The following LRRC75A variants were observed in gnomAD, a reference collection of about 807,000 sequenced individuals.
LRRC75A encodes leucine-rich repeat-containing protein 75A.
In LRRC75A, 12 loss-of-function variants were observed where a neutral mutation model predicts 26.0. The ratio of observed to expected loss-of-function variants is 0.46; its 90% CI spans 0.30 to 0.75. The LOEUF (loss-of-function observed/expected upper bound fraction) is 0.75, where lower values mean the gene tolerates loss of function less well. Among genes scored for constraint, LRRC75A ranks in the 30% least tolerant of loss-of-function variants. LRRC75A has a pLI of 0.08. For missense variants in LRRC75A, 410 were observed against 486.6 expected (o/e 0.84, Z 1.48); for synonymous variants, 223 against 219.3 (o/e 1.02, Z -0.15).
At chr17:16,475,990 A>G (rs1048596200) in intron 1 of LRRC75A, among the ~76,000 whole-genome samples, 1 of 152,104 alleles carries the variant, frequency 6.6e-6, no homozygotes, top group Non-Finnish European at 1.5e-5. Context: ...CAGGAGATCT[A>G]GACCATCCTG....
In LRRC75A at chr17:16,491,832, C is replaced by A; in HGVS notation, c.159G>T (p.Arg53=). 1 of 1,407,824 alleles carries A rather than the reference C, an allele frequency of 7.1e-7. No individual in the cohort carries two copies. The highest frequency in any genetic ancestry group is 1.4e-5 in the South Asian group (1 of 69,566). The allele number at this position is 1,407,824 out of a possible 1,614,324, so 87.2% of individuals were successfully genotyped here. ...GCAGCTCCTGGACCATGCCGACTCG[C>A]CGGTGGTAGGGGGGCATCCCCGCGC... is the stretch of plus-strand genomic sequence containing the variant. ...RAGAGMPPYH[R]RVGMVQELLR... Residue 53 remains arginine, a synonymous_variant, in exon 1 of 4, where the codon CGG becomes CGT. Coordinates refer to ENST00000470794, the MANE Select transcript of LRRC75A (RefSeq NM_001113567.3). The surrounding 1 kb of genome is among the most constrained non-coding windows in gnomAD (Gnocchi z 5.9).
Position 16,447,972 on chromosome 17 carries a change from AC to A in LRRC75A, c.376-13del. 1 of 1,549,822 alleles carries A rather than the reference AC, an allele frequency of 6.5e-7. No individual in the cohort carries two copies. Among genetic ancestry groups the A allele is most frequent in the South Asian group, 1.2e-5 (1 of 84,030 alleles). ...AGTGCATCGCCTTCCTGCAGAGGCA[AC>A]CATGGGTGGTAGGGCCCTGAGTGGC... On this transcript the variant is annotated splice_polypyrimidine_tract_variant and intron_variant, in intron 2 of 3. Coordinates refer to ENST00000470794, the MANE Select transcript of LRRC75A (RefSeq NM_001113567.3).
At chr17:16,469,764 C>A (rs1261481498) in intron 1 of LRRC75A, among the ~76,000 whole-genome samples, 1 of 152,236 alleles carries the variant, frequency 6.6e-6, no homozygotes, top group Non-Finnish European at 1.5e-5. Context: ...GGTAAGCCCA[C>A]TGGCTGGCTG....
At chr17:16,485,654 G>C (rs183513779) in intron 1 of LRRC75A, among the ~76,000 whole-genome samples, 7 of 132,054 alleles carry the variant, frequency 5.3e-5, no homozygotes, top group South Asian at 2.4e-4. Context: ...GTGTGTGTGT[G>C]TGTGTGTGTG....
chr17:16,478,879 G>A (rs1236526124), intron 1 of LRRC75A, among the ~76,000 whole-genome samples: 1 of 152,204 alleles, frequency 6.6e-6, no homozygotes, highest in Non-Finnish European at 1.5e-5. Context: ...AAAGTTCAGA[G>A]GACTGGCACG....
chr17:16,477,564 A>G (rs1601196205), intron 1 of LRRC75A, among the ~76,000 whole-genome samples: 1 of 152,184 alleles, frequency 6.6e-6, no homozygotes, highest in South Asian at 2.1e-4. Context: ...CCACCTCTCC[A>G]CGCTTGGCCA....
At position 16,459,656 on chromosome 17, in the gene LRRC75A, G is replaced by T. The variant is rs192889984; in HGVS notation, c.375+2602C>A. Among the ~76,000 whole-genome samples, 3 of 152,284 alleles carry T rather than the reference G, an allele frequency of 2.0e-5. No homozygotes were observed. The East Asian group carries it at 5.8e-4, about 29-fold the overall frequency. ...GTAGTATCCAATTTACCTTTGGAAC[G>T]AGCTCTCCGGTCTTGACACCTCTGC... On this transcript the variant is annotated intron_variant, in intron 2 of 3. Coordinates refer to ENST00000470794, the MANE Select transcript of LRRC75A (RefSeq NM_001113567.3).
chr17:16,485,428 T>C (rs1335748349), intron 1 of LRRC75A, among the ~76,000 whole-genome samples: 1 of 152,120 alleles, frequency 6.6e-6, no homozygotes, highest in African/African-American at 2.4e-5. Flanking sequence ...CATGCCAGAA[T>C]GCAGCGAGAG....
In LRRC75A at chr17:16,491,684, C is replaced by A. The variant is rs1459852295; in HGVS notation, c.246+61G>T. On this transcript the variant is annotated intron_variant, in intron 1 of 3. Coordinates refer to ENST00000470794, the MANE Select transcript of LRRC75A (RefSeq NM_001113567.3). This position sits in a 1 kb window ranked among gnomAD's most constrained non-coding sequence, Gnocchi z 5.9. ...CTTCCTCGGTTAGGGATGGGGCGCC[C>A]CCCCCGGCCCAGCACGCCCCCTGGC... is the stretch of plus-strand genomic sequence containing the variant. The A allele has an allele frequency of 1.3e-5, 16 of 1,188,776 alleles. No homozygotes were observed. The highest frequency in any genetic ancestry group is 1.7e-5 in the Non-Finnish European group (16 of 939,990). The allele number at this position is 1,188,776 out of a possible 1,614,324, so 73.6% of individuals were successfully genotyped here. A position where few individuals can be genotyped will look rare whatever the true frequency, so the allele number is the denominator to read the frequency against.
intron 1 of LRRC75A, among the ~76,000 whole-genome samples, chr17:16,483,491 G>A (rs1286523372): frequency 6.6e-6 from 1 of 152,216 alleles, no homozygotes; most frequent in African/African-American, 2.4e-5. Flanking sequence ...CTTAGGGTTC[G>A]AATGTGAATC....
At chr17:16,482,287 C>T (rs758768439) in intron 1 of LRRC75A, among the ~76,000 whole-genome samples, 23 of 152,144 alleles carry the variant, frequency 1.5e-4, no homozygotes, top group Non-Finnish European at 2.8e-4. Flanking sequence ...ACGAGGGTGT[C>T]CTGCAAGCCT....
Position 16,453,012 on chromosome 17 carries a change from C to T in LRRC75A, c.376-5052G>A, listed in dbSNP as rs114116802. On this transcript the variant is annotated intron_variant, in intron 2 of 3. Coordinates refer to ENST00000470794, the MANE Select transcript of LRRC75A (RefSeq NM_001113567.3). The stretch of plus-strand genomic sequence containing the variant: ...AGCCTTAAAAGAAGAGAATAGAGGC[C>T]GGGCGCGGTAGTTCACGCCTGTAAT... Among the ~76,000 whole-genome samples the T allele has an allele frequency of 6.2e-3, 945 of 152,012 alleles. 7 individuals are homozygous for T. Among genetic ancestry groups the T allele is most frequent in the African/African-American group, 0.021 (872 of 41,500 alleles).
chr17:16,469,379 T>G (rs1568977027), intron 1 of LRRC75A, among the ~76,000 whole-genome samples: 1 of 152,336 alleles, frequency 6.6e-6, no homozygotes, highest in East Asian at 1.9e-4. Context: ...AAAGTTCATT[T>G]CTTCTGGATC....
chr17:16,485,783 C>T (rs1352340514), intron 1 of LRRC75A, among the ~76,000 whole-genome samples: 1 of 152,008 alleles, frequency 6.6e-6, no homozygotes, highest in African/African-American at 2.4e-5. Flanking sequence ...GGCTGAGGAT[C>T]CCCACACTGC....
chr17:16,455,733 G>C (rs2093672042), intron 2 of LRRC75A, among the ~76,000 whole-genome samples: 2 of 152,162 alleles, frequency 1.3e-5, no homozygotes, highest in African/African-American at 4.8e-5. Context: ...AGGGAACTGA[G>C]GCAAAAAGAA....
At chr17:16,465,566 A>AAAC (rs2093761543) in intron 1 of LRRC75A, among the ~76,000 whole-genome samples, 1 of 152,152 alleles carries the variant, frequency 6.6e-6, no homozygotes, top group African/African-American at 2.4e-5. Flanking sequence ...AAAGCCCTGG[A>AAAC]CCAGATGACT....
rs528781797 is a variant in LRRC75A at position 16,445,268 on chromosome 17, C to A, written c.492-1137G>T. Reference sequence around the variant, plus strand: ...GCAATCTCCACCTCCTGGGTTCAAGCGATTCTCCTGCCTCAGCCTCCCGAG... The same window carrying A: ...GCAATCTCCACCTCCTGGGTTCAAGAGATTCTCCTGCCTCAGCCTCCCGAG... On this transcript the variant is annotated intron_variant, in intron 3 of 3. Transcript: ENST00000470794. Among the ~76,000 whole-genome samples, 3 of 141,866 alleles carry A rather than the reference C, an allele frequency of 2.1e-5. No individual in the cohort carries two copies. The East Asian group carries it at 6.5e-4, about 31-fold the overall frequency. The allele number at this position is 141,866 out of a possible 152,430, so 93.1% of individuals were successfully genotyped here. A position where few individuals can be genotyped will look rare whatever the true frequency, so the allele number is the denominator to read the frequency against.
chr17:16,468,835 G>A (rs546040052), intron 1 of LRRC75A, among the ~76,000 whole-genome samples: 178 of 152,276 alleles, frequency 1.2e-3, no homozygotes, highest in Non-Finnish European at 5.6e-4. Context: ...GCTGAAGTGG[G>A]CTATGACGGT....
chr17:16,473,439 C>T (rs187709236), intron 1 of LRRC75A, among the ~76,000 whole-genome samples: 9 of 152,174 alleles, frequency 5.9e-5, no homozygotes, highest in Non-Finnish European at 1.2e-4. Flanking sequence ...GGGCATTGCC[C>T]GGCTCCTGGT....
Sources: gnomAD v4.1 joint callset for allele counts (sites outside exome capture counted in the v4.1 genomes callset) on GRCh38, gnomAD v4.1.1 for gene constraint, Gnocchi (gnomAD v3.1) non-coding constraint, MANE v1.5 for transcripts, NCBI Gene and HGNC (gene_info 2026-07-23, HGNC 2026-07-21) for gene names.